The following ZNF385C variants were observed in gnomAD, a reference collection of about 807,000 sequenced individuals.
ZNF385C encodes zinc finger protein 385C.
ZNF385C carries 28 observed loss-of-function variants against 35.4 expected under a neutral mutation model. The ratio of observed to expected loss-of-function variants is 0.79; its 90% CI spans 0.59 to 1.08. The LOEUF (loss-of-function observed/expected upper bound fraction) is 1.08, where lower values mean the gene tolerates loss of function less well. ZNF385C is among the 50% of genes least tolerant of loss of function. The pLI is 0.00. For synonymous variants in ZNF385C, 248 were observed against 248.2 expected (o/e 1.00, Z 0.01); for missense variants, 605 against 595.6 (o/e 1.02, Z -0.16).
At chr17:42,090,232 C>T (rs1425223780) in intron 1 of ZNF385C, among the ~76,000 whole-genome samples, 1 of 150,000 alleles carries the variant, frequency 6.7e-6, no homozygotes, top group Non-Finnish European at 1.5e-5. Flanking sequence ...TCCTGCATTG[C>T]TCTCTCTAGG....
intron 2 of ZNF385C, chr17:42,040,036 C>T (rs1276166918): frequency 8.9e-6 from 11 of 1,230,984 alleles, no homozygotes; most frequent in African/African-American, 1.6e-5. Flanking sequence ...GAATACTACG[C>T]GCTTAAACAG....
At chr17:42,052,345 C>G (rs2053298331) in intron 2 of ZNF385C, among the ~76,000 whole-genome samples, 2 of 152,184 alleles carry the variant, frequency 1.3e-5, no homozygotes, top group African/African-American at 2.4e-5. Context: ...CAGACAGACA[C>G]ACACACACGA....
chr17:42,048,469 C>G (rs138462749), intron 2 of ZNF385C, among the ~76,000 whole-genome samples: 67 of 152,002 alleles, frequency 4.4e-4, no homozygotes, highest in Non-Finnish European at 7.6e-4. Context: ...CACTTGAGCC[C>G]GAGTTTGAGA....
intron 2 of ZNF385C, among the ~76,000 whole-genome samples, chr17:42,049,877 C>G (rs1555656955): frequency 6.6e-6 from 1 of 152,246 alleles, no homozygotes; most frequent in East Asian, 1.9e-4. Context: ...TAGCATTCAG[C>G]TCACACTAGG....
chr17:42,068,015 C>T (rs1021288584), intron 1 of ZNF385C, among the ~76,000 whole-genome samples: 48 of 152,176 alleles, frequency 3.2e-4, no homozygotes, highest in African/African-American at 9.9e-4. Context: ...CTCACGGGGC[C>T]GCCTGGATTC....
chr17:42,092,390 G>A (rs992690120), intron 1 of ZNF385C, among the ~76,000 whole-genome samples: 1 of 151,940 alleles, frequency 6.6e-6, no homozygotes, highest in Non-Finnish European at 1.5e-5. Context: ...AACAGAGCAA[G>A]CGAGATTCGT....
chr17:42,063,145 G>A (rs920129464), intron 1 of ZNF385C, 87 bp from the exon 2 acceptor site: 19 of 556,612 alleles, frequency 3.4e-5, no homozygotes, highest in South Asian at 2.9e-4. Context: ...CGGGAGACAC[G>A]GGGCTCTGTA....
At position 42,028,142 on chromosome 17, in the gene ZNF385C, T is replaced by G. The variant is rs540125747; in HGVS notation, c.1072A>C (p.Thr358Pro). The G allele has an allele frequency of 1.2e-6, 2 of 1,611,988 alleles. No individual in the cohort carries two copies. The highest frequency in any genetic ancestry group is 1.3e-5 in the African/African-American group (1 of 74,978). Residue 358 changes from threonine (T) to proline (P), a missense_variant, in exon 7 of 9, where the codon ACA becomes CCA. Coordinates refer to ENST00000692273, the MANE Select transcript of ZNF385C (RefSeq NM_001392013.1). Reference sequence around the variant, plus strand: ...CCCTGCCGGCCGCCCCGGCCCCCTGTGACTCTCTTGGCTTTGTGTCCGGCA... The same window carrying G: ...CCCTGCCGGCCGCCCCGGCCCCCTGGGACTCTCTTGGCTTTGTGTCCGGCA... ...GGAGHKAKRV[T>P]GGRGGRQGPS...
chr17:42,042,843 C>G, intron 2 of ZNF385C: 1 of 1,232,296 alleles, frequency 8.1e-7, no homozygotes, highest in African/African-American at 1.6e-5. Flanking sequence ...CCTGCATGTC[C>G]CTCACCCTCC....
chr17:42,040,692 T>C lies in ZNF385C; in HGVS notation c.251-2807A>G, dbSNP rs1189798861. 3.2e-6 allele frequency: 4 copies of C among 1,232,152 alleles called. No homozygotes were observed. In the African/African-American group the frequency reaches 6.2e-5, roughly 19 times the overall value. The allele number at this position is 1,232,152 out of a possible 1,614,324, so 76.3% of individuals were successfully genotyped here. ...AGGCCCAGGGCACTGGCCGAGGCCC[T>C]GCCAAGTCAATAGCTGCAAGGTCCA... On this transcript the variant is annotated intron_variant, in intron 2 of 8. Transcript: ENST00000692273.
In ZNF385C at chr17:42,026,088, G is replaced by C. The variant is rs1555654152; in HGVS notation, c.*809C>G. On this transcript the variant is annotated 3_prime_UTR_variant, in exon 9 of 9. Transcript: ENST00000692273. Reference sequence around the variant, plus strand: ...GGATGAGTTACTCCCTCAATATTAAGACTGGGCTTATCAGCAAGTATCACT... The same window carrying C: ...GGATGAGTTACTCCCTCAATATTAACACTGGGCTTATCAGCAAGTATCACT... The C allele has an allele frequency of 6.6e-6, 1 of 152,124 alleles. No individual in the cohort carries two copies. The highest frequency in any genetic ancestry group is 2.4e-5 in the African/African-American group (1 of 41,388). The allele number at this position is 152,124 out of a possible 1,614,324, so 9.4% of individuals were successfully genotyped here.
intron 2 of ZNF385C, chr17:42,040,702 A>T: frequency 8.1e-7 from 1 of 1,232,290 alleles, no homozygotes; most frequent in Non-Finnish European, 1.0e-6. Context: ...TGCCAAGTCA[A>T]TAGCTGCAAG....
At chr17:42,096,202 C>T (rs2053915741) in intron 1 of ZNF385C, among the ~76,000 whole-genome samples, 1 of 152,224 alleles carries the variant, frequency 6.6e-6, no homozygotes, top group Non-Finnish European at 1.5e-5. Flanking sequence ...CTGCAAATAG[C>T]TGTCCCTTCA....
chr17:42,090,644 C>T lies in ZNF385C; in HGVS notation c.-3+7766G>A, dbSNP rs1354859419. Among the ~76,000 whole-genome samples the T allele has an allele frequency of 2.0e-5, 3 of 151,814 alleles. No individual in the cohort carries two copies. The East Asian group carries it at 6.0e-4, about 30-fold the overall frequency. ...GCACGGTGGCTCACGCCTGTAATCC[C>T]AGCACTTTGGGAAGCAGAGGCGGGC... On this transcript the variant is annotated intron_variant, in intron 1 of 8. Transcript: ENST00000692273.
At position 42,098,470 on chromosome 17, in the gene ZNF385C, G is replaced by C; in HGVS notation, c.-63C>G. 1 of 152,118 alleles carries C rather than the reference G, an allele frequency of 6.6e-6. No homozygotes were observed. Among genetic ancestry groups the C allele is most frequent in the South Asian group, 2.1e-4 (1 of 4,826 alleles). The allele number at this position is 152,118 out of a possible 1,614,324, so 9.4% of individuals were successfully genotyped here. On this transcript the variant is annotated 5_prime_UTR_variant, in exon 1 of 9. Coordinates refer to ENST00000692273, the MANE Select transcript of ZNF385C (RefSeq NM_001392013.1). ...GCTCTCGCCTGGCTGGGAACGCTGC[G>C]TGTGGGGCTGGCTGGGAGGGGCGGG...
chr17:42,073,058 G>C (rs1482768689), intron 1 of ZNF385C, among the ~76,000 whole-genome samples: 1 of 152,178 alleles, frequency 6.6e-6, no homozygotes, highest in Non-Finnish European at 1.5e-5. Context: ...ACCACCTGCT[G>C]GGTGCCAGGG....
At chr17:42,068,366 CA>C (rs1185257648) in intron 1 of ZNF385C, among the ~76,000 whole-genome samples, 1 of 152,166 alleles carries the variant, frequency 6.6e-6, no homozygotes, top group African/African-American at 2.4e-5. Flanking sequence ...TGCTTCAAAG[CA>C]AATGGAAAGA....
In ZNF385C at chr17:42,028,726, C is replaced by A. The variant is rs1460964605; in HGVS notation, c.967+57G>T. 1.2e-5 allele frequency: 18 copies of A among 1,505,832 alleles called. No individual in the cohort carries two copies. In the South Asian group the frequency reaches 2.2e-4, roughly 18 times the overall value. 93.3% of individuals were successfully genotyped at this position (1,505,832 alleles called of 1,614,324 possible). ...GGAACTCAAGCCTGCCCTCATCTGG[C>A]GAGGCTTAGCTTCTGTCCCACCCTT... On this transcript the variant is annotated intron_variant, in intron 6 of 8. Coordinates refer to ENST00000692273, the MANE Select transcript of ZNF385C (RefSeq NM_001392013.1).
intron 2 of ZNF385C, chr17:42,041,278 G>A (rs1196566105): frequency 1.8e-6 from 2 of 1,128,244 alleles, no homozygotes; most frequent in African/African-American, 3.2e-5. Flanking sequence ...GGTGGAAAGA[G>A]CCCAGGCCTT....
Sources: gnomAD v4.1 joint callset for allele counts (sites outside exome capture counted in the v4.1 genomes callset) on GRCh38, gnomAD v4.1.1 for gene constraint, MANE v1.5 for transcripts, NCBI Gene and HGNC (gene_info 2026-07-23, HGNC 2026-07-21) for gene names.